Variants in OXCT1 observed in about 807,000 individuals in gnomAD.
OXCT1 encodes succinyl-CoA:3-ketoacid coenzyme A transferase 1, mitochondrial.
OXCT1 carries 27 observed loss-of-function variants against 69.6 expected under a neutral mutation model. The ratio of observed to expected loss-of-function variants is 0.39; its 90% confidence interval spans 0.29 to 0.54. OXCT1 has a LOEUF of 0.54. Among genes scored for constraint, OXCT1 ranks in the 20% least tolerant of loss-of-function variants. The probability of loss-of-function intolerance (pLI) is 0.72; values close to 1 mark genes in which losing one functional copy is unlikely to be tolerated. For missense variants in OXCT1, 437 were observed against 650.2 expected (o/e 0.67, Z 3.57); for synonymous variants, 202 against 217.8 (o/e 0.93, Z 0.64).
intron 1 of OXCT1, among the ~76,000 whole-genome samples, chr5:41,867,626 C>T (rs373063090): frequency 3.3e-5 from 5 of 152,080 alleles, no homozygotes; most frequent in African/African-American, 1.2e-4. Context: ...GATAGAAGAA[C>T]AAAACAAGGA....
At chr5:41,802,571 T>A (rs1343311934) in intron 10 of OXCT1, among the ~76,000 whole-genome samples, 13 of 152,100 alleles carry the variant, frequency 8.5e-5, no homozygotes, top group Non-Finnish European at 7.4e-5. Context: ...ACAATGTCCC[T>A]GTCCTAAAGT....
At chr5:41,760,381 C>T (rs1229279060) in intron 14 of OXCT1, among the ~76,000 whole-genome samples, 1 of 151,962 alleles carries the variant, frequency 6.6e-6, no homozygotes, top group East Asian at 1.9e-4. Context: ...CTAATTTCCC[C>T]ACTGAGAGAA....
intron 13 of OXCT1, among the ~76,000 whole-genome samples, chr5:41,764,084 CAAAG>C (rs1256472551): frequency 2.6e-5 from 4 of 152,146 alleles, no homozygotes; most frequent in Non-Finnish European, 5.9e-5. Flanking sequence ...AGCCTTCACT[CAAAG>C]AGATTCAGCT....
intron 15 of OXCT1, among the ~76,000 whole-genome samples, chr5:41,740,635 C>A (rs1248299693): frequency 6.6e-6 from 1 of 152,158 alleles, no homozygotes; most frequent in Non-Finnish European, 1.5e-5. Context: ...TTAATATAAC[C>A]TTCCACCCAA....
chr5:41,791,607 G>T (rs1282715954), intron 13 of OXCT1, among the ~76,000 whole-genome samples: 2 of 152,082 alleles, frequency 1.3e-5, no homozygotes, highest in African/African-American at 2.4e-5. Flanking sequence ...CTGATATGAA[G>T]ATGCCCATGT....
intron 7 of OXCT1, among the ~76,000 whole-genome samples, chr5:41,819,500 A>G (rs1579805711): frequency 2.6e-5 from 4 of 152,114 alleles, no homozygotes; most frequent in African/African-American, 9.6e-5. Context: ...CCTCCTGAGT[A>G]GCTGGGATTA....
intron 13 of OXCT1, among the ~76,000 whole-genome samples, chr5:41,790,713 C>A (rs1192036378): frequency 6.6e-6 from 1 of 152,078 alleles, no homozygotes; most frequent in Non-Finnish European, 1.5e-5. Flanking sequence ...TTCTTGACTG[C>A]CAGATCTTGC....
intron 4 of OXCT1, 61 bp from the exon 5 acceptor site, chr5:41,850,240 A>G: frequency 6.3e-7 from 1 of 1,585,480 alleles, no homozygotes; most frequent in Non-Finnish European, 8.6e-7. Context: ...TGTGGACACA[A>G]ACATTTAGAC....
intron 13 of OXCT1, among the ~76,000 whole-genome samples, chr5:41,778,242 T>A (rs1043501345): frequency 1.3e-5 from 2 of 152,236 alleles, no homozygotes; most frequent in African/African-American, 4.8e-5. Flanking sequence ...CTAAAAATTT[T>A]CTATAAATCA....
chr5:41,848,937 G>T (rs922818011), intron 5 of OXCT1, among the ~76,000 whole-genome samples: 2 of 152,102 alleles, frequency 1.3e-5, no homozygotes, highest in East Asian at 3.9e-4. Context: ...GACAAATGGG[G>T]TCTAATTAAA....
intron 15 of OXCT1, among the ~76,000 whole-genome samples, chr5:41,744,948 A>G (rs1424460033): frequency 6.6e-6 from 1 of 152,166 alleles, no homozygotes; most frequent in Non-Finnish European, 1.5e-5. Flanking sequence ...AGACTGCCAC[A>G]CAATAATAAT....
At chr5:41,854,185 AAATT>A (rs773383568) in intron 3 of OXCT1, among the ~76,000 whole-genome samples, 2 of 152,212 alleles carry the variant, frequency 1.3e-5, no homozygotes, top group Non-Finnish European at 2.9e-5. Flanking sequence ...AGCAAAAAAA[AAATT>A]AATCACAAGC....
rs545591345 is a variant in OXCT1 at position 41,742,853 on chromosome 5, C to T, written c.1420-3362G>A. 1.3e-4 allele frequency among the ~76,000 whole-genome samples: 20 copies of T among 152,168 alleles called. No homozygotes were observed. In the South Asian group the frequency reaches 1.5e-3, roughly 11 times the overall value. ...ATAGTATTCCATGGTGTATATGTGC[C>T]GCATTTTCTTAATCCAGTCTATCAT... On this transcript the variant is annotated intron_variant, in intron 15 of 16. Coordinates refer to ENST00000196371, the MANE Select transcript of OXCT1 (RefSeq NM_000436.4).
intron 11 of OXCT1, among the ~76,000 whole-genome samples, chr5:41,798,116 G>C (rs1384115659): frequency 6.6e-6 from 1 of 152,114 alleles, no homozygotes; most frequent in Non-Finnish European, 1.5e-5. Flanking sequence ...AAATGGAATG[G>C]AGCAGAATAA....
intron 7 of OXCT1, among the ~76,000 whole-genome samples, chr5:41,822,779 CT>C (rs1443959338): frequency 1.3e-5 from 2 of 152,086 alleles, no homozygotes; most frequent in African/African-American, 4.8e-5. Flanking sequence ...CTCCAGCTTT[CT>C]TTTGATTAAT....
chr5:41,803,437 A>C (rs1221953112), intron 9 of OXCT1, among the ~76,000 whole-genome samples: 1 of 152,042 alleles, frequency 6.6e-6, no homozygotes, highest in Non-Finnish European at 1.5e-5. Context: ...ATGTAAGCAC[A>C]TTTTCATTAA....
intron 15 of OXCT1, among the ~76,000 whole-genome samples, chr5:41,746,486 A>T (rs1743496608): frequency 6.6e-6 from 1 of 152,184 alleles, no homozygotes; most frequent in East Asian, 1.9e-4. Context: ...TACTCATTCA[A>T]CAAGTATTTA....
At chr5:41,783,297 G>A (rs377118482) in intron 13 of OXCT1, among the ~76,000 whole-genome samples, 19 of 152,240 alleles carry the variant, frequency 1.2e-4, no homozygotes, top group African/African-American at 3.4e-4. Context: ...GAAAGATTTC[G>A]CCAACTGGGA....
chr5:41,843,077 T>C (rs989128069), intron 5 of OXCT1, among the ~76,000 whole-genome samples: 3 of 152,236 alleles, frequency 2.0e-5, no homozygotes, highest in Middle Eastern at 3.2e-3. Flanking sequence ...CATTTTACTA[T>C]TTGTATGTAC....
Sources: allele counts gnomAD v4.1 joint callset (sites outside exome capture counted in the v4.1 genomes callset), GRCh38; gene constraint gnomAD v4.1.1; transcripts MANE v1.5; gene names NCBI Gene and HGNC (gene_info 2026-07-23, HGNC 2026-07-21).